IRAG1: variants seen among roughly 807,000 people sequenced by gnomAD.
IRAG1 encodes IP3R-associated cGMP kinase substrate.
IRAG1 carries 62 observed loss-of-function variants against 106.2 expected under a neutral mutation model. The observed-to-expected ratio is 0.58, with a 90% CI of 0.48 to 0.72. The LOEUF is 0.72. Among genes scored for constraint, IRAG1 ranks in the 30% least tolerant of loss-of-function variants. IRAG1 has a pLI of 0.00. For missense variants in IRAG1, 1,064 were observed against 1,140.7 expected (o/e 0.93, Z 0.97); for synonymous variants, 462 against 443.9 (o/e 1.04, Z -0.51).
chr11:10,658,895 C>A (rs993463716), intron 1 of IRAG1, among the ~76,000 whole-genome samples: 1 of 151,462 alleles, frequency 6.6e-6, no homozygotes, highest in African/African-American at 2.4e-5. Context: ...CTGTGGTTAC[C>A]CCATGTCTGT....
intron 10 of IRAG1, among the ~76,000 whole-genome samples, chr11:10,618,286 G>C (rs932422040): frequency 6.6e-6 from 1 of 152,146 alleles, no homozygotes; most frequent in Admixed American, 6.5e-5. Flanking sequence ...TGAGCTAGCT[G>C]CTTCTTCCTC....
Position 10,600,979 on chromosome 11 carries a change from C to T in IRAG1, c.1956G>A (p.Ala652=), listed in dbSNP as rs540632213. The change falls in exon 15 of 21, where the codon GCG becomes GCA. Residue 652 remains alanine (A), a synonymous_variant. Transcript: ENST00000423302. Reference sequence around the variant, plus strand: ...CAAGCTTTTTAAACTCCATGAGCTCCGCATGGTCCTTCTCATACGTCCTCT... The same window carrying T: ...CAAGCTTTTTAAACTCCATGAGCTCTGCATGGTCCTTCTCATACGTCCTCT... ...NLKRTYEKDH[A]ELMEFKKLAN... The T allele has an allele frequency of 3.8e-5, 61 of 1,614,054 alleles. No homozygotes were observed. The Admixed American group carries it at 4.8e-4, about 13-fold the overall frequency.
chr11:10,615,947 T>C lies in IRAG1; in HGVS notation c.1448-6096A>G, dbSNP rs189234034. Among the ~76,000 whole-genome samples the C allele has an allele frequency of 3.6e-5, 3 of 82,886 alleles. No homozygotes were observed. In the East Asian group the frequency reaches 2.9e-3, roughly 79 times the overall value. 54.4% of individuals were successfully genotyped at this position (82,886 alleles called of 152,430 possible). On this transcript the variant is annotated intron_variant, in intron 10 of 20. Coordinates refer to ENST00000423302, the MANE Select transcript of IRAG1 (RefSeq NM_130385.4). ...TAAAGTATAATAATAAAAAAAAGTA[T>C]ATTACTAAGTGAAAAAAGCAAGGTT... is the stretch of plus-strand genomic sequence containing the variant.
In IRAG1 at chr11:10,609,828, C is replaced by T. The variant is rs1854794550; in HGVS notation, c.1471G>A (p.Ala491Thr). Residue 491 changes from alanine (A) to threonine (T), a missense_variant, in exon 11 of 21, where the codon GCT (alanine) becomes ACT (threonine). By Grantham distance (58) the Ala-to-Thr change is moderately conservative. Transcript: ENST00000423302. ...CTCTTTGACTCTTCTTCCTCAATAG[C>T]TGGGGAGAGTTCAGAAGGAAGCCCT... ...EKGLPSELSP[A>T]IEEEESKSGL... 1.9e-6 allele frequency: 3 copies of T among 1,613,820 alleles called. No homozygotes were observed. The highest frequency in any genetic ancestry group is 2.2e-5 in the South Asian group (2 of 91,086).
chr11:10,593,527 G>C lies in IRAG1; in HGVS notation c.2140C>G (p.Pro714Ala), dbSNP rs1428981556. ...FNALNLPGQT[P>A]SSSSIPSLPA... is the part of the protein sequence containing the mutation. ...AAGGAGGGAATGGATGATGAGCTGGGAGTTTGGCCAGGCAGATTCAGGGCA... is the reference window on the plus strand; with the variant it reads ...AAGGAGGGAATGGATGATGAGCTGGCAGTTTGGCCAGGCAGATTCAGGGCA... Residue 714 changes from proline to alanine, a missense_variant, in exon 17 of 21, where the codon CCC (proline) becomes GCC (alanine). Pro to Ala is a conservative substitution (Grantham distance 27, BLOSUM62 -1). Transcript: ENST00000423302. 14 of 1,613,704 alleles carry C rather than the reference G, an allele frequency of 8.7e-6. No homozygotes were observed. Among genetic ancestry groups the C allele is most frequent in the African/African-American group, 1.3e-5 (1 of 74,908 alleles).
At chr11:10,585,421 A>G (rs1270009378) in intron 18 of IRAG1, among the ~76,000 whole-genome samples, 1 of 151,836 alleles carries the variant, frequency 6.6e-6, no homozygotes, top group Non-Finnish European at 1.5e-5. Flanking sequence ...TGACCCAAGA[A>G]GGTATTAGTG....
Position 10,626,057 on chromosome 11 carries a change from G to C in IRAG1, c.1277C>G (p.Ala426Gly), listed in dbSNP as rs1298075820. 1 of 1,525,032 alleles carries C rather than the reference G, an allele frequency of 6.6e-7. No individual in the cohort carries two copies. Among genetic ancestry groups the C allele is most frequent in the Non-Finnish European group, 8.8e-7 (1 of 1,136,432 alleles). The allele number at this position is 1,525,032 out of a possible 1,614,324, so 94.5% of individuals were successfully genotyped here. The change falls in exon 9 of 21, where the codon GCC becomes GGC. Residue 426 changes from alanine (A) to glycine (G), a missense_variant. Ala to Gly is a moderately conservative substitution (Grantham distance 60). Coordinates refer to ENST00000423302, the MANE Select transcript of IRAG1 (RefSeq NM_130385.4). ...AEEEKRFAGKAGGKLAKAPGL... is the reference protein window; with the variant it reads ...AEEEKRFAGKGGGKLAKAPGL... ...AGGGGCCTTGGCCAGCTTGCCGCCGGCCTTGCCTGCAAAACGCTTTTCTTC... is the reference window on the plus strand; with the variant it reads ...AGGGGCCTTGGCCAGCTTGCCGCCGCCCTTGCCTGCAAAACGCTTTTCTTC...
At chr11:10,580,963 C>G (rs1214332548) in intron 19 of IRAG1, among the ~76,000 whole-genome samples, 1 of 152,204 alleles carries the variant, frequency 6.6e-6, no homozygotes, top group Non-Finnish European at 1.5e-5. Flanking sequence ...GGGTGACACT[C>G]ATTTCACAGG....
intron 18 of IRAG1, among the ~76,000 whole-genome samples, chr11:10,584,663 G>T (rs143172320): frequency 6.7e-6 from 1 of 149,974 alleles, no homozygotes; most frequent in Non-Finnish European, 1.5e-5. Context: ...TTAAGCATGC[G>T]TGAAGGAGGA....
chr11:10,592,016 G>C (rs1168519780), intron 17 of IRAG1, among the ~76,000 whole-genome samples: 1 of 152,170 alleles, frequency 6.6e-6, no homozygotes, highest in Admixed American at 6.5e-5. Context: ...ACTGTCCCTA[G>C]AGACATAGCT....
chr11:10,679,001 T>G (rs1860924936), intron 1 of IRAG1, among the ~76,000 whole-genome samples: 1 of 152,118 alleles, frequency 6.6e-6, no homozygotes, highest in South Asian at 2.1e-4. Context: ...CTTCCCTTTC[T>G]CAGGAAGAAA....
intron 10 of IRAG1, among the ~76,000 whole-genome samples, chr11:10,614,081 C>G (rs867964464): frequency 1.3e-5 from 2 of 152,164 alleles, no homozygotes; most frequent in African/African-American, 2.4e-5. Flanking sequence ...CAACCCTAAA[C>G]ATACTGAGGA....
At chr11:10,637,268 A>C (rs1857214001) in intron 2 of IRAG1, among the ~76,000 whole-genome samples, 1 of 152,170 alleles carries the variant, frequency 6.6e-6, no homozygotes, top group Non-Finnish European at 1.5e-5. Context: ...GCTGGCCAAG[A>C]GGGAGTGACA....
chr11:10,634,125 G>T, intron 2 of IRAG1, 54 bp from the exon 3 acceptor site: 1 of 1,102,808 alleles, frequency 9.1e-7, no homozygotes, highest in South Asian at 1.4e-5. Context: ...GGGACTTCCA[G>T]GGACAGGAGC....
intron 10 of IRAG1, among the ~76,000 whole-genome samples, chr11:10,610,262 G>A (rs1043187296): frequency 2.6e-5 from 4 of 152,156 alleles, no homozygotes; most frequent in South Asian, 2.1e-4. Context: ...ATTCCTCCTC[G>A]GATAAATTAA....
chr11:10,646,030 A>T (rs1224458229), intron 2 of IRAG1, among the ~76,000 whole-genome samples: 1 of 152,220 alleles, frequency 6.6e-6, no homozygotes, highest in Non-Finnish European at 1.5e-5. Flanking sequence ...TCACTTATCC[A>T]AGGTAGCAGT....
At position 10,591,589 on chromosome 11, in the gene IRAG1, G is replaced by T; in HGVS notation, c.2199C>A (p.Gly733=). ...GCAGTGCTGAAGTGACAGGTAGGCT[G>T]CCTTTCCCATTGGGTGATTCCGACT... The part of the protein sequence containing the change: ...PALSESPNGK[G]SLPVTSALPA... The change falls in exon 18 of 21, where the codon GGC becomes GGA. Residue 733 remains glycine (G), a synonymous_variant. Coordinates refer to ENST00000423302, the MANE Select transcript of IRAG1 (RefSeq NM_130385.4). 2 of 1,597,498 alleles carry T rather than the reference G, an allele frequency of 1.3e-6. No homozygotes were observed. The highest frequency in any genetic ancestry group is 1.7e-6 in the Non-Finnish European group (2 of 1,171,998).
At chr11:10,604,163 C>T (rs1233014707) in intron 13 of IRAG1, among the ~76,000 whole-genome samples, 1 of 152,194 alleles carries the variant, frequency 6.6e-6, no homozygotes, top group Non-Finnish European at 1.5e-5. Flanking sequence ...ACCCAGGCCA[C>T]CCTGCCCCCT....
In IRAG1 at chr11:10,665,297, G is replaced by A. The variant is rs947708504; in HGVS notation, c.68-13115C>T. Among the ~76,000 whole-genome samples the A allele has an allele frequency of 8.6e-5, 13 of 152,012 alleles. No homozygotes were observed. Among genetic ancestry groups the A allele is most frequent in the African/African-American group, 3.1e-4 (13 of 41,348 alleles). On this transcript the variant is annotated intron_variant, in intron 1 of 20. Coordinates refer to ENST00000423302, the MANE Select transcript of IRAG1 (RefSeq NM_130385.4). This position sits in a 1 kb window ranked among gnomAD's most constrained non-coding sequence, Gnocchi z 4.2. ...CTACCATTGGTGGGCCCAGCATCTG[G>A]CCAGAAACCCCAGCCCAAACACAGA...
Sources: gnomAD v4.1 joint callset for allele counts (sites outside exome capture counted in the v4.1 genomes callset) on GRCh38, gnomAD v4.1.1 for gene constraint, Gnocchi (gnomAD v3.1) non-coding constraint, MANE v1.5 for transcripts, NCBI Gene and HGNC (gene_info 2026-07-23, HGNC 2026-07-21) for gene names.